Variants in UNC13C observed in about 807,000 individuals in gnomAD.
UNC13C encodes protein unc-13 homolog C.
In UNC13C, 174 loss-of-function variants were observed where a neutral mutation model predicts 245.4. The ratio of observed to expected loss-of-function variants is 0.71; its 90% CI spans 0.63 to 0.80. The LOEUF (loss-of-function observed/expected upper bound fraction) is 0.80. Ranked by LOEUF, UNC13C falls within the 30% of genes least tolerant of loss-of-function variation. The pLI, the probability that UNC13C is intolerant of heterozygous loss-of-function variation, is 0.00. For synonymous variants in UNC13C, 992 were observed against 895.1 expected (o/e 1.11, Z -1.93); for missense variants, 2,829 against 2,602.9 (o/e 1.09, Z -1.89).
In UNC13C at chr15:54,236,457, T is replaced by G. The variant is rs567404447; in HGVS notation, c.3156+22T>G. The G allele has an allele frequency of 1.6e-5, 26 of 1,586,742 alleles. No individual in the cohort carries two copies. In the South Asian group the frequency reaches 2.8e-4, roughly 17 times the overall value. ...CATGGTAAGTGCTTTGCTATTTATT[T>G]AATTAATATTTTGCAGTCTTCTCAA... On this transcript the variant is annotated intron_variant, in intron 6 of 32. Coordinates refer to ENST00000260323, the MANE Select transcript of UNC13C (RefSeq NM_001080534.3).
chr15:54,049,992 CAG>C, intron 2 of UNC13C: 2 of 213,546 alleles, frequency 9.4e-6, no homozygotes, highest in South Asian at 6.9e-5. Flanking sequence ...TTTTGTGAGA[CAG>C]AGTCTCACTC....
At chr15:54,408,743 T>A (rs547521739) in intron 18 of UNC13C, among the ~76,000 whole-genome samples, 1 of 152,346 alleles carries the variant, frequency 6.6e-6, no homozygotes, top group African/African-American at 2.4e-5. Context: ...TTCCAGCTAA[T>A]CTTTCACACA....
At chr15:53,965,579 A>G in the UNC13C span, among the ~76,000 whole-genome samples, 38 of 142,398 alleles carry the variant, frequency 2.7e-4, no homozygotes, top group African/African-American at 9.3e-4. Context: ...TATTATTATT[A>G]TTATACTTTA....
chr15:54,553,005 A>ATATACTGTATTCTATATTACAATATATAT (rs1896902560), intron 28 of UNC13C, among the ~76,000 whole-genome samples: 1 of 15,444 alleles, frequency 6.5e-5, no homozygotes, highest in Admixed American at 9.0e-4. Context: ...ACAATATATA[A>ATATACTGTATTCTATATTACAATATATAT]TATATATTGT....
intron 2 of UNC13C, among the ~76,000 whole-genome samples, chr15:54,025,546 C>T (rs1292706250): frequency 7.9e-5 from 12 of 152,192 alleles, no homozygotes; most frequent in Non-Finnish European, 1.8e-4. Context: ...AGTAGCAAAT[C>T]CAGTATTTGT....
chr15:54,424,773 C>T (rs1177511015), intron 19 of UNC13C, among the ~76,000 whole-genome samples: 3 of 151,714 alleles, frequency 2.0e-5, no homozygotes, highest in Non-Finnish European at 4.4e-5. Context: ...ATAGGCTAGA[C>T]CTATTGACAG....
At chr15:54,513,093 G>A (rs1179502230) in intron 24 of UNC13C, among the ~76,000 whole-genome samples, 1 of 152,066 alleles carries the variant, frequency 6.6e-6, no homozygotes, top group Admixed American at 6.6e-5. Context: ...AAGTTTGAGG[G>A]CATTGATCTT....
At chr15:54,263,076 T>C (rs532487089) in intron 8 of UNC13C, among the ~76,000 whole-genome samples, 5 of 152,284 alleles carry the variant, frequency 3.3e-5, no homozygotes, top group African/African-American at 9.6e-5. Context: ...TTATGAGATA[T>C]TAGTATGCCT....
chr15:53,902,726 A>G, the UNC13C span, among the ~76,000 whole-genome samples: 1 of 152,220 alleles, frequency 6.6e-6, no homozygotes, highest in Non-Finnish European at 1.5e-5. Context: ...ATAGAAGCCA[A>G]TACAGAAACA....
At chr15:54,211,445 A>C (rs1225724560) in intron 4 of UNC13C, among the ~76,000 whole-genome samples, 4 of 152,088 alleles carry the variant, frequency 2.6e-5, no homozygotes, top group Non-Finnish European at 5.9e-5. Flanking sequence ...TCAAGTAGGA[A>C]AAAAAAGTCC....
At position 54,411,065 on chromosome 15, in the gene UNC13C, A is replaced by G. The variant is rs529203306; in HGVS notation, c.4848-3917A>G. 2.2e-4 allele frequency among the ~76,000 whole-genome samples: 33 copies of G among 152,236 alleles called. No homozygotes were observed. In the South Asian group the frequency reaches 2.5e-3, roughly 11 times the overall value. On this transcript the variant is annotated intron_variant, in intron 18 of 32. Coordinates refer to ENST00000260323, the MANE Select transcript of UNC13C (RefSeq NM_001080534.3). The stretch of plus-strand genomic sequence containing the variant: ...TCTAATAGACATGTAGTATCACATC[A>G]TAATTTTATTGGCAAATATCTAATG...
At chr15:54,414,696 A>G (rs1288150155) in intron 18 of UNC13C, among the ~76,000 whole-genome samples, 1 of 152,052 alleles carries the variant, frequency 6.6e-6, no homozygotes. Flanking sequence ...GGAGCTCTTG[A>G]GACACAAACA....
chr15:54,418,670 C>G (rs884042), intron 19 of UNC13C, among the ~76,000 whole-genome samples: 63,260 of 151,500 alleles, frequency 0.42, 13,557 homozygotes, highest in East Asian at 0.54. Flanking sequence ...GGGTTGGGGG[C>G]TTGGTAAATA....
rs1165484476 is a variant in UNC13C at position 54,203,503 on chromosome 15, T to TAC, written c.3072-31511_3072-31510dup. The stretch of plus-strand genomic sequence containing the variant: ...GTGTGTGTATATATATATATATATA[T>TAC]ACACACACACACACACATATATATG... On this transcript the variant is annotated intron_variant, in intron 4 of 32. Transcript: ENST00000260323. Among the ~76,000 whole-genome samples the TAC allele has an allele frequency of 3.7e-3, 494 of 135,322 alleles. 2 individuals carry two copies. Among genetic ancestry groups the TAC allele is most frequent in the East Asian group, 8.0e-3 (37 of 4,620 alleles). 88.8% of individuals were successfully genotyped at this position (135,322 alleles called of 152,430 possible).
intron 2 of UNC13C, chr15:54,049,154 A>C (rs530220209): frequency 7.5e-6 from 3 of 400,152 alleles, no homozygotes; most frequent in African/African-American, 2.1e-5. Flanking sequence ...GAAGCTTTCC[A>C]TCATCTAATA....
At chr15:54,608,136 A>C (rs1422534846) in intron 30 of UNC13C, among the ~76,000 whole-genome samples, 6 of 150,978 alleles carry the variant, frequency 4.0e-5, no homozygotes, top group African/African-American at 1.5e-4. Context: ...GTCTTTTTCC[A>C]AAAAAAAACA....
At chr15:53,992,769 G>T (rs1475350078) in intron 1 of UNC13C, among the ~76,000 whole-genome samples, 3 of 152,068 alleles carry the variant, frequency 2.0e-5, no homozygotes, top group Admixed American at 6.6e-5. Flanking sequence ...GACATTGGAG[G>T]TCTGTTGTCT....
At chr15:54,008,570 G>T (rs1274100991) in intron 1 of UNC13C, among the ~76,000 whole-genome samples, 1 of 152,156 alleles carries the variant, frequency 6.6e-6, no homozygotes, top group African/African-American at 2.4e-5. Context: ...TTTAACTAAA[G>T]TTAAAATATC....
intron 24 of UNC13C, among the ~76,000 whole-genome samples, chr15:54,516,651 T>C (rs1894988546): frequency 6.6e-6 from 1 of 151,816 alleles, no homozygotes; most frequent in African/African-American, 2.4e-5. Flanking sequence ...ATACCAAAAA[T>C]TAGCCAGGCA....
Sources: gnomAD v4.1 joint callset for allele counts (sites outside exome capture counted in the v4.1 genomes callset) on GRCh38, gnomAD v4.1.1 for gene constraint, MANE v1.5 for transcripts, NCBI Gene and HGNC (gene_info 2026-07-23, HGNC 2026-07-21) for gene names.